Variants in SRL observed in about 807,000 individuals in gnomAD.
SRL encodes the protein sarcalumenin.
Under a neutral mutation model 39.5 loss-of-function variants are expected in SRL, and 23 were observed. That is an observed-to-expected ratio of 0.58 (90% CI 0.42 to 0.82). The LOEUF is 0.82. Among genes scored for constraint, SRL ranks in the 40% least tolerant of loss-of-function variants. The probability of loss-of-function intolerance (pLI) is 0.00; values close to 1 mark genes in which losing one functional copy is unlikely to be tolerated. For synonymous variants in SRL, 272 were observed against 237.4 expected (o/e 1.15, Z -1.34); for missense variants, 592 against 607.8 (o/e 0.97, Z 0.27).
chr16:4,225,806 A>C (rs1379799297), intron 1 of SRL, among the ~76,000 whole-genome samples: 1 of 150,940 alleles, frequency 6.6e-6, no homozygotes, highest in Non-Finnish European at 1.5e-5. Flanking sequence ...GCAACAGGAG[A>C]CCCCCACTCC....
At chr16:4,231,388 A>T (rs11863444) in intron 1 of SRL, among the ~76,000 whole-genome samples, 56,034 of 151,896 alleles carry the variant, frequency 0.37, 12,101 homozygotes, top group African/African-American at 0.6. Context: ...AGGAAGATCA[A>T]ATAGGAACCA....
chr16:4,204,387 T>TC (rs1466694844), intron 2 of SRL, 146 bp downstream of exon 2: 1 of 117,768 alleles, frequency 8.5e-6, no homozygotes, highest in East Asian at 1.4e-4. Context: ...TTCCCCAACG[T>TC]CCCCTCCAGC....
chr16:4,225,579 G>C (rs1342048702), intron 1 of SRL, among the ~76,000 whole-genome samples: 1 of 152,182 alleles, frequency 6.6e-6, no homozygotes, highest in Non-Finnish European at 1.5e-5. Flanking sequence ...GTGAGACCCT[G>C]TCTCTAAAGT....
At chr16:4,193,971 ATAT>A (rs1422824325) in intron 5 of SRL, among the ~76,000 whole-genome samples, 20 of 151,134 alleles carry the variant, frequency 1.3e-4, no homozygotes, top group African/African-American at 4.4e-4. Context: ...ATTACTACTA[ATAT>A]TATTAATTGC....
chr16:4,224,712 C>G (rs1021648895), intron 1 of SRL, among the ~76,000 whole-genome samples: 1 of 151,062 alleles, frequency 6.6e-6, no homozygotes, highest in Admixed American at 6.6e-5. Flanking sequence ...AGAGCAAGAC[C>G]CTATCTCGAG....
At chr16:4,233,698 T>A (rs1174678579) in intron 1 of SRL, among the ~76,000 whole-genome samples, 2 of 152,148 alleles carry the variant, frequency 1.3e-5, no homozygotes, top group African/African-American at 4.8e-5. Context: ...GACAAGGGGC[T>A]GAGAGATGGG....
chr16:4,222,635 C>G (rs1350438597), intron 1 of SRL, among the ~76,000 whole-genome samples: 1 of 132,420 alleles, frequency 7.6e-6, no homozygotes, highest in East Asian at 2.0e-4. Context: ...GAGGCTGGTG[C>G]CTGTGACTTG....
At chr16:4,202,911 C>G (rs1031758161) in intron 3 of SRL, among the ~76,000 whole-genome samples, 2 of 152,162 alleles carry the variant, frequency 1.3e-5, no homozygotes, top group Admixed American at 1.3e-4. Flanking sequence ...GGCTTAAAAC[C>G]AAAATGCATC....
intron 1 of SRL, among the ~76,000 whole-genome samples, chr16:4,236,250 G>A (rs943978317): frequency 8.5e-5 from 13 of 152,110 alleles, no homozygotes; most frequent in African/African-American, 3.1e-4. Context: ...CCTCCTCATT[G>A]GTCAGTGACC....
intron 1 of SRL, among the ~76,000 whole-genome samples, chr16:4,236,912 T>C (rs983235182): frequency 2.6e-5 from 4 of 152,048 alleles, no homozygotes; most frequent in African/African-American, 7.2e-5. Context: ...AGTGCTGGAA[T>C]TACAGGTGTA....
chr16:4,240,972 G>A (rs2052766892), intron 1 of SRL, among the ~76,000 whole-genome samples: 3 of 152,078 alleles, frequency 2.0e-5, no homozygotes, highest in Admixed American at 6.5e-5. Context: ...TTGAGTCCCC[G>A]AGAAATAGCT....
chr16:4,210,485 T>TC, intron 1 of SRL, among the ~76,000 whole-genome samples: 1 of 91,514 alleles, frequency 1.1e-5, no homozygotes, highest in Non-Finnish European at 2.1e-5. Flanking sequence ...ATTACTCATA[T>TC]CTTTTTTTTT....
intron 1 of SRL, among the ~76,000 whole-genome samples, chr16:4,226,358 G>GA (rs1235507900): frequency 6.6e-6 from 1 of 151,718 alleles, no homozygotes; most frequent in Middle Eastern, 3.4e-3. Context: ...GGATGGATGG[G>GA]TAGATGGATG....
At chr16:4,196,123 G>C (rs2052138151) in intron 4 of SRL, among the ~76,000 whole-genome samples, 1 of 151,914 alleles carries the variant, frequency 6.6e-6, no homozygotes, top group South Asian at 2.1e-4. Context: ...ACCATGCCTG[G>C]CTAATTTTTG....
rs142052967 is a variant in SRL, at chr16:4,232,074, C to A, written c.61+9933G>T. 2.1e-3 allele frequency among the ~76,000 whole-genome samples: 314 copies of A among 152,282 alleles called. 1 individual carries two copies. The highest frequency in any genetic ancestry group is 7.3e-3 in the African/African-American group (305 of 41,544). ...TCCGGTGCTCCCGCTGGGCCCCACC[C>A]CAGGCCAGCCGCTCTGCCTCTGTGT... On this transcript the variant is annotated intron_variant, in intron 1 of 5. Transcript: ENST00000399609.
intron 1 of SRL, among the ~76,000 whole-genome samples, chr16:4,215,212 C>T (rs911627724): frequency 2.0e-5 from 3 of 152,212 alleles, no homozygotes; most frequent in Non-Finnish European, 4.4e-5. Flanking sequence ...TTCTCTCAGC[C>T]TTTCCCTCTT....
At chr16:4,234,298 A>C (rs746058381) in intron 1 of SRL, among the ~76,000 whole-genome samples, 8 of 152,146 alleles carry the variant, frequency 5.3e-5, no homozygotes, top group Non-Finnish European at 1.2e-4. Context: ...CTAGCCTATT[A>C]ATTAAATTTA....
intron 4 of SRL, among the ~76,000 whole-genome samples, chr16:4,197,490 C>T (rs1234299956): frequency 8.1e-5 from 11 of 136,186 alleles, no homozygotes; most frequent in African/African-American, 3.0e-4. Flanking sequence ...GGCACAATCT[C>T]AGCTCACTAC....
intron 1 of SRL, among the ~76,000 whole-genome samples, chr16:4,229,112 T>C (rs925128399): frequency 6.6e-6 from 1 of 151,226 alleles, no homozygotes; most frequent in Non-Finnish European, 1.5e-5. Context: ...ATCAAGAAGA[T>C]GTGGTACATC....
Sources: gnomAD v4.1 joint callset for allele counts (sites outside exome capture counted in the v4.1 genomes callset) on GRCh38, gnomAD v4.1.1 for gene constraint, MANE v1.5 for transcripts, NCBI Gene and HGNC (gene_info 2026-07-23, HGNC 2026-07-21) for gene names.